SEMA6D: variants seen among roughly 807,000 people sequenced by gnomAD.
SEMA6D encodes semaphorin-6D.
A neutral mutation model predicts 106.6 loss-of-function variants in SEMA6D; 35 were observed. That is an observed-to-expected ratio of 0.33 (90% CI 0.25 to 0.44). The LOEUF (loss-of-function observed/expected upper bound fraction) is 0.44. Among genes scored for constraint, SEMA6D ranks in the 20% least tolerant of loss-of-function variants. The pLI is 1.00. For synonymous variants in SEMA6D, 499 were observed against 487.7 expected, an observed-to-expected ratio of 1.02 and a Z score of -0.31; for missense variants, 1,185 against 1,345.9, an observed-to-expected ratio of 0.88 and a Z score of 1.87.
chr15:47,255,022 GTTC>G (rs1197455239), intron 1 of SEMA6D, among the ~76,000 whole-genome samples: 2 of 151,828 alleles, frequency 1.3e-5, no homozygotes, highest in Non-Finnish European at 2.9e-5. Flanking sequence ...ATTTGTATTA[GTTC>G]TTCTTTAAAT....
At chr15:47,705,383 C>G (rs1233876376) in intron 4 of SEMA6D, among the ~76,000 whole-genome samples, 1 of 152,146 alleles carries the variant, frequency 6.6e-6, no homozygotes, top group Non-Finnish European at 1.5e-5. Flanking sequence ...TACTTTACCC[C>G]TAACAATAAA....
chr15:47,704,287 A>C (rs2078871316), intron 4 of SEMA6D, among the ~76,000 whole-genome samples: 1 of 152,216 alleles, frequency 6.6e-6, no homozygotes, highest in African/African-American at 2.4e-5. Flanking sequence ...TGCCCAGCCT[A>C]CAGTGGATGT....
At chr15:47,580,807 G>A (rs2076242742) in intron 3 of SEMA6D, among the ~76,000 whole-genome samples, 1 of 152,164 alleles carries the variant, frequency 6.6e-6, no homozygotes, top group African/African-American at 2.4e-5. Context: ...TTGAAAACAT[G>A]AATTTGTTCC....
At chr15:47,700,837 A>G (rs1209262669) in intron 4 of SEMA6D, among the ~76,000 whole-genome samples, 7 of 152,332 alleles carry the variant, frequency 4.6e-5, no homozygotes, top group Non-Finnish European at 7.3e-5. Flanking sequence ...ATATTTGACA[A>G]AGAAGCAAAT....
chr15:47,418,923 A>C (rs2041066511), intron 2 of SEMA6D, among the ~76,000 whole-genome samples: 1 of 152,182 alleles, frequency 6.6e-6, no homozygotes, highest in Admixed American at 6.6e-5. Context: ...TAGACTGCGT[A>C]AGTGCAAGCA....
At chr15:47,727,140 C>G (rs1467190677) in intron 1 of SEMA6D, among the ~76,000 whole-genome samples, 4 of 152,170 alleles carry the variant, frequency 2.6e-5, no homozygotes, top group Admixed American at 2.6e-4. Context: ...GCTGGTGGCC[C>G]TGGGGCTATT....
At chr15:47,195,060 C>G (rs759002280) in intron 1 of SEMA6D, among the ~76,000 whole-genome samples, 1 of 152,126 alleles carries the variant, frequency 6.6e-6, no homozygotes, top group Non-Finnish European at 1.5e-5. Flanking sequence ...TTTCCAGATG[C>G]CTATTTCTCC....
chr15:47,735,720 CATT>C (rs1333090435), intron 1 of SEMA6D, among the ~76,000 whole-genome samples: 65 of 152,278 alleles, frequency 4.3e-4, no homozygotes, highest in Non-Finnish European at 2.1e-4. Flanking sequence ...ACGTTTGCAT[CATT>C]AAGTTGGTCT....
chr15:47,444,020 A>C (rs1222919532), intron 2 of SEMA6D, among the ~76,000 whole-genome samples: 1 of 152,186 alleles, frequency 6.6e-6, no homozygotes, highest in East Asian at 1.9e-4. Context: ...CAGAATCCTA[A>C]CCAGTGAATC....
rs1451245946 is a variant in SEMA6D, at chr15:47,771,763, C to T, written c.3200C>T (p.Pro1067Leu). The T allele has an allele frequency of 1.2e-6, 2 of 1,613,530 alleles. No individual in the cohort carries two copies. The highest frequency in any genetic ancestry group is 1.7e-6 in the Non-Finnish European group (2 of 1,179,756). The change falls in exon 19 of 19, where the codon CCA becomes CTA. Residue 1067 changes from proline (P) to leucine (L), a missense_variant. Transcript: ENST00000536845. The stretch of plus-strand genomic sequence containing the variant: ...GTTCCTCAAACCCCATCTGTCAGAC[C>T]ACTGAACAAATACACATACTAGGCC... Reference protein sequence around the residue: ...SFVPQTPSVRPLNKYTY With the variant: ...SFVPQTPSVRLLNKYTY
chr15:47,631,356 G>T (rs1214493362), intron 4 of SEMA6D, among the ~76,000 whole-genome samples: 1 of 151,486 alleles, frequency 6.6e-6, no homozygotes, highest in East Asian at 1.9e-4. Flanking sequence ...CTAAATTGTA[G>T]AATTTATGAG....
intron 3 of SEMA6D, among the ~76,000 whole-genome samples, chr15:47,490,864 T>A (rs2043452037): frequency 6.6e-6 from 1 of 152,206 alleles, no homozygotes; most frequent in Non-Finnish European, 1.5e-5. Context: ...ATATGCTCCA[T>A]CTAATTAATA....
At chr15:47,507,900 C>T (rs904129987) in intron 3 of SEMA6D, among the ~76,000 whole-genome samples, 1 of 152,196 alleles carries the variant, frequency 6.6e-6, no homozygotes, top group African/African-American at 2.4e-5. Flanking sequence ...GGTTCAAGTA[C>T]CTTCGGGCTA....
intron 3 of SEMA6D, among the ~76,000 whole-genome samples, chr15:47,523,223 G>C (rs2044645143): frequency 6.6e-6 from 1 of 152,190 alleles, no homozygotes; most frequent in Non-Finnish European, 1.5e-5. Flanking sequence ...ATGGAAGAGT[G>C]AATGAATAAA....
intron 3 of SEMA6D, among the ~76,000 whole-genome samples, chr15:47,585,797 C>T (rs776498632): frequency 6.6e-6 from 1 of 152,266 alleles, no homozygotes; most frequent in African/African-American, 2.4e-5. Context: ...TACAGCAACC[C>T]CCATAAGCAA....
chr15:47,331,449 C>A (rs1746431202), intron 1 of SEMA6D, among the ~76,000 whole-genome samples: 1 of 151,880 alleles, frequency 6.6e-6, no homozygotes, highest in Non-Finnish European at 1.5e-5. Context: ...GAATGGGATG[C>A]AATAAATATA....
At chr15:47,484,044 C>T (rs2043225384) in intron 3 of SEMA6D, among the ~76,000 whole-genome samples, 1 of 152,120 alleles carries the variant, frequency 6.6e-6, no homozygotes, top group African/African-American at 2.4e-5. Context: ...CTTATCTCAC[C>T]AAACTGCAGG....
intron 4 of SEMA6D, among the ~76,000 whole-genome samples, chr15:47,657,854 C>T (rs546018228): frequency 4.0e-5 from 6 of 149,200 alleles, no homozygotes; most frequent in African/African-American, 1.5e-4. Flanking sequence ...CATTCTCCTG[C>T]CTCAGCCTCC....
Position 47,770,594 on chromosome 15 carries a change from C to A in SEMA6D, c.2031C>A (p.Phe677Leu), listed in dbSNP as rs749883806. 2 of 1,613,956 alleles carry A rather than the reference C, an allele frequency of 1.2e-6. No homozygotes were observed. The highest frequency in any genetic ancestry group is 1.7e-6 in the Non-Finnish European group (2 of 1,179,918). Residue 677 changes from phenylalanine (F) to leucine (L), a missense_variant, in exon 19 of 19, where the codon TTC becomes TTA. By Grantham distance (22) the Phe-to-Leu change is conservative. Around this residue, in one of 3 missense-constraint regions of SEMA6D, gnomAD observed 750 missense variants for 783.5 expected, o/e 0.96. Coordinates refer to ENST00000536845, the MANE Select transcript of SEMA6D (RefSeq NM_001358351.3). ...CVFAAFVLGA[F>L]IAGVAVYCYR... is the part of the protein sequence containing the mutation. ...TTGCTGCTTTTGTTTTGGGGGCATTCATTGCAGGTGTGGCAGTATACTGCT... is the reference window on the plus strand; with the variant it reads ...TTGCTGCTTTTGTTTTGGGGGCATTAATTGCAGGTGTGGCAGTATACTGCT...
Sources: gnomAD v4.1 joint callset for allele counts (sites outside exome capture counted in the v4.1 genomes callset) on GRCh38, gnomAD v4.1.1 for gene constraint, gnomAD v4.1.1 regional missense constraint, MANE v1.5 for transcripts, NCBI Gene and HGNC (gene_info 2026-07-23, HGNC 2026-07-21) for gene names.